The following ANO4 variants were observed in gnomAD, a reference collection of about 807,000 sequenced individuals.
ANO4 encodes the protein anoctamin 4.
A neutral mutation model predicts 141.9 loss-of-function variants in ANO4; 69 were observed. The observed-to-expected ratio is 0.49, with a 90% CI of 0.40 to 0.59. The LOEUF (loss-of-function observed/expected upper bound fraction) is 0.59, where lower values mean the gene tolerates loss of function less well. ANO4 is among the 20% of genes least tolerant of loss of function. ANO4 has a pLI of 0.00. For synonymous variants in ANO4, 350 were observed against 394.3 expected (o/e 0.89, Z 1.33); for missense variants, 894 against 1,162.2 (o/e 0.77, Z 3.36).
chr12:100,789,054 A>G (rs2135602376), intron 3 of ANO4, among the ~76,000 whole-genome samples: 1 of 152,262 alleles, frequency 6.6e-6, no homozygotes, highest in Non-Finnish European at 1.5e-5. Context: ...GGGCTTGTAG[A>G]TGTGATAGAG....
chr12:101,035,933 C>G lies in ANO4; in HGVS notation c.842-1162C>G, dbSNP rs147037957. On this transcript the variant is annotated intron_variant, in intron 9 of 27. Transcript: ENST00000392977. ...CATTACCTGGGTGACATAATAATTA[C>G]ACCAAATCCCCCAACACACAATTTA... Among the ~76,000 whole-genome samples, 320 of 152,268 alleles carry G rather than the reference C, an allele frequency of 2.1e-3. 1 individual carries two copies. Among genetic ancestry groups the G allele is most frequent in the African/African-American group, 7.2e-3 (301 of 41,568 alleles).
At chr12:100,956,295 T>C (rs2136221093) in intron 5 of ANO4, among the ~76,000 whole-genome samples, 1 of 152,338 alleles carries the variant, frequency 6.6e-6, no homozygotes, top group South Asian at 2.1e-4. Context: ...TCGAAGAAGG[T>C]GGTGTTACTG....
upstream of ANO4, among the ~76,000 whole-genome samples, chr12:100,790,074 G>A (rs1593335654): frequency 6.6e-6 from 1 of 152,114 alleles, no homozygotes; most frequent in East Asian, 1.9e-4. Context: ...GGTGGGGAGG[G>A]ATTCTCCAGG....
chr12:101,065,232 GA>G (rs1438290126), intron 14 of ANO4, among the ~76,000 whole-genome samples: 1 of 152,072 alleles, frequency 6.6e-6, no homozygotes, highest in African/African-American at 2.4e-5. Flanking sequence ...TGTGAAGAAG[GA>G]AACAGAAATT....
intron 8 of ANO4, among the ~76,000 whole-genome samples, chr12:101,014,996 A>ATT (rs10685175): frequency 3.6e-4 from 51 of 143,586 alleles, no homozygotes; most frequent in Admixed American, 2.2e-3. Flanking sequence ...CACCCAGCTA[A>ATT]TTTTTTTTTT....
intron 2 of ANO4, among the ~76,000 whole-genome samples, chr12:100,738,481 A>T (rs1202682805): frequency 6.6e-6 from 1 of 152,188 alleles, no homozygotes; most frequent in Non-Finnish European, 1.5e-5. Context: ...AATTTCCTAA[A>T]CAAAAAAGAC....
chr12:101,044,211 T>C (rs115929147), intron 13 of ANO4, among the ~76,000 whole-genome samples: 2,006 of 152,314 alleles, frequency 0.013, 41 homozygotes, highest in African/African-American at 0.045. Flanking sequence ...AAGCTCAGTC[T>C]TCTGAGCTTT....
At chr12:101,041,100 C>T (rs1166178094) in intron 11 of ANO4, among the ~76,000 whole-genome samples, 1 of 152,114 alleles carries the variant, frequency 6.6e-6, no homozygotes, top group African/African-American at 2.4e-5. Flanking sequence ...TAATAACAAC[C>T]CACATTTCCT....
At position 101,101,371 on chromosome 12, in the gene ANO4, A is replaced by G. The variant is rs571471057; in HGVS notation, c.2149+1651A>G. On this transcript the variant is annotated intron_variant, in intron 22 of 27. Coordinates refer to ENST00000392977, the MANE Select transcript of ANO4 (RefSeq NM_001286615.2). The stretch of plus-strand genomic sequence containing the variant: ...GCTACAGGTAGTAGAACTTCATTTT[A>G]TTGCTGTATAGTATTCCTAGAATGT... 3.7e-4 allele frequency among the ~76,000 whole-genome samples: 57 copies of G among 152,280 alleles called. No individual in the cohort carries two copies. The South Asian group carries it at 0.012, about 31-fold the overall frequency.
intron 1 of ANO4, among the ~76,000 whole-genome samples, chr12:100,798,109 C>G (rs1253565895): frequency 6.6e-6 from 1 of 152,204 alleles, no homozygotes; most frequent in Non-Finnish European, 1.5e-5. Flanking sequence ...GGACTGCCCT[C>G]AAACCTTGAT....
At chr12:100,729,593 C>T (rs1439223009) in intron 1 of ANO4, among the ~76,000 whole-genome samples, 1 of 152,084 alleles carries the variant, frequency 6.6e-6, no homozygotes, top group Non-Finnish European at 1.5e-5. Context: ...GATACTGACT[C>T]TAGAACCCAC....
chr12:100,757,217 C>T (rs1565858441), intron 3 of ANO4, among the ~76,000 whole-genome samples: 1 of 152,208 alleles, frequency 6.6e-6, no homozygotes, highest in Non-Finnish European at 1.5e-5. Context: ...GAGTCTATCT[C>T]CTTCTATCCC....
chr12:101,084,397 T>C lies in ANO4; in HGVS notation c.1536+579T>C, dbSNP rs2049401889. On this transcript the variant is annotated intron_variant, in intron 16 of 27. Transcript: ENST00000392977. ...GAAAAACAGACCTCAGTTTTTAGCT[T>C]TTCCTAAAAAGCAGTCTTAGTAATT... Among the ~76,000 whole-genome samples the C allele has an allele frequency of 2.0e-5, 3 of 152,146 alleles. No homozygotes were observed. In the South Asian group the frequency reaches 6.2e-4, roughly 32 times the overall value.
chr12:100,905,562 A>G (rs796091305), intron 2 of ANO4, among the ~76,000 whole-genome samples: 21 of 152,274 alleles, frequency 1.4e-4, no homozygotes, highest in African/African-American at 5.1e-4. Flanking sequence ...TTTTGATAAG[A>G]GCCGTTTTAG....
intron 5 of ANO4, among the ~76,000 whole-genome samples, chr12:100,961,492 C>T (rs765379318): frequency 1.1e-3 from 165 of 152,238 alleles, no homozygotes; most frequent in Middle Eastern, 3.4e-3. Flanking sequence ...ATCACTGCAA[C>T]GAGCTGACCT....
chr12:101,071,786 A>T (rs1275339445), intron 14 of ANO4, among the ~76,000 whole-genome samples: 1 of 152,198 alleles, frequency 6.6e-6, no homozygotes, highest in Admixed American at 6.5e-5. Context: ...GCATGCCTGT[A>T]GCAGAATATC....
intron 1 of ANO4, among the ~76,000 whole-genome samples, chr12:100,841,296 C>T (rs751432148): frequency 7.9e-5 from 12 of 152,192 alleles, no homozygotes; most frequent in East Asian, 3.9e-4. Context: ...TCATGACATC[C>T]GCCAAAATTA....
chr12:101,044,544 T>C (rs538456003), intron 13 of ANO4, among the ~76,000 whole-genome samples: 11 of 152,342 alleles, frequency 7.2e-5, no homozygotes, highest in South Asian at 4.1e-4. Flanking sequence ...ATAAATGGCA[T>C]TGGCAGATTT....
At chr12:100,807,714 G>A (rs577404309) in intron 1 of ANO4, among the ~76,000 whole-genome samples, 5 of 151,976 alleles carry the variant, frequency 3.3e-5, no homozygotes, top group Middle Eastern at 3.4e-3. Flanking sequence ...CTTTCCCTCC[G>A]CCCCTGACAG....
Sources: allele counts gnomAD v4.1 joint callset (sites outside exome capture counted in the v4.1 genomes callset), GRCh38; gene constraint gnomAD v4.1.1; transcripts MANE v1.5; gene names NCBI Gene and HGNC (gene_info 2026-07-23, HGNC 2026-07-21).